Variants in ADAM28 observed in about 807,000 individuals in gnomAD.
ADAM28 encodes disintegrin and metalloproteinase domain-containing protein 28.
Under a neutral mutation model 101.2 loss-of-function variants are expected in ADAM28, and 105 were observed. The ratio of observed to expected loss-of-function variants is 1.04; its 90% CI spans 0.89 to 1.22. The LOEUF is 1.22. ADAM28 is among the 50% of genes most tolerant of loss of function. The pLI is 0.00. For synonymous variants in ADAM28, 322 were observed against 310.6 expected (o/e 1.04, Z -0.39); for missense variants, 1,028 against 945.4 (o/e 1.09, Z -1.15).
intron 2 of ADAM28, among the ~76,000 whole-genome samples, chr8:24,305,451 CTTTTTTTT>C (rs10654023): frequency 2.3e-4 from 15 of 65,446 alleles, no homozygotes; most frequent in South Asian, 6.0e-4. Context: ...TAAGAGGTTT[CTTTTTTTT>C]TTTTTTTTTT....
rs1477284005 is a variant in ADAM28, at chr8:24,358,168, A to T, written c.*3764A>T. On this transcript the variant is annotated 3_prime_UTR_variant, in exon 23 of 23. Transcript: ENST00000265769. ...ACTTTATTACTGCTTCCCACAGTAA[A>T]TATTTTTCAGAAGTACATGCTTTCT... 2 of 152,210 alleles carry T rather than the reference A, an allele frequency of 1.3e-5. No individual in the cohort carries two copies. Among genetic ancestry groups the T allele is most frequent in the Admixed American group, 6.5e-5 (1 of 15,274 alleles). The allele number at this position is 152,210 out of a possible 1,614,324, so 9.4% of individuals were successfully genotyped here.
chr8:24,320,189 T>C (rs745766428), intron 6 of ADAM28, 47 bp from the exon 7 acceptor site: 8 of 1,362,616 alleles, frequency 5.9e-6, no homozygotes, highest in South Asian at 1.2e-5. Context: ...AGAAGAACTT[T>C]TGCAGAAAAC....
At chr8:24,306,363 A>ATATATATAAAT (rs1563270503) in intron 2 of ADAM28, among the ~76,000 whole-genome samples, 1 of 108,502 alleles carries the variant, frequency 9.2e-6, no homozygotes, top group African/African-American at 3.8e-5. Flanking sequence ...TAAATAAATA[A>ATATATATAAAT]ATATATATAT....
intron 6 of ADAM28, among the ~76,000 whole-genome samples, chr8:24,317,307 C>T (rs1309315901): frequency 4.0e-5 from 6 of 151,814 alleles, no homozygotes; most frequent in Admixed American, 1.3e-4. Flanking sequence ...ATATAGTAAT[C>T]GAAAGAGTAT....
chr8:24,340,844 A>C (rs1401000039), intron 15 of ADAM28: 1 of 152,330 alleles, frequency 6.6e-6, no homozygotes, highest in Non-Finnish European at 1.5e-5. Context: ...CTTTTTTCAC[A>C]GCCCTCTTCC....
intron 1 of ADAM28, among the ~76,000 whole-genome samples, chr8:24,294,758 G>A (rs1292226475): frequency 2.0e-5 from 3 of 152,162 alleles, no homozygotes; most frequent in South Asian, 4.1e-4. Context: ...TCTCTGTTAA[G>A]CTTAAATTGA....
Position 24,320,247 on chromosome 8 carries a change from C to T in ADAM28, c.588C>T (p.Asp196=). 6.3e-7 allele frequency: 1 copy of T among 1,595,534 alleles called. No individual in the cohort carries two copies. The highest frequency in any genetic ancestry group is 8.6e-7 in the Non-Finnish European group (1 of 1,166,410). ...TCTTTATATTTCAGAAATTGAAAGA[C>T]AGGAAGGTTCAGGAACATGAGAAAT... ...LPATKLVKLK[D]RKVQEHEKYI... The change falls in exon 7 of 23, where the codon GAC becomes GAT. Residue 196 remains aspartate, a synonymous_variant. Transcript: ENST00000265769.
chr8:24,323,704 A>C, intron 8 of ADAM28, 130 bp from the exon 9 acceptor site: 1 of 938,430 alleles, frequency 1.1e-6, no homozygotes, highest in Non-Finnish European at 1.5e-6. Flanking sequence ...ATTCTGTTTC[A>C]CAAATATGCT....
intron 6 of ADAM28, 124 bp downstream of exon 6, chr8:24,313,704 C>T: frequency 2.2e-6 from 2 of 923,418 alleles, no homozygotes; most frequent in South Asian, 3.9e-5. Flanking sequence ...GACACTAATC[C>T]TTAAATATTG....
chr8:24,349,806 T>G (rs1356804140), intron 18 of ADAM28, 58 bp from the exon 19 acceptor site: 1 of 1,308,716 alleles, frequency 7.6e-7, no homozygotes, highest in East Asian at 2.3e-5. Flanking sequence ...CAAGGACTAG[T>G]GTGTTGTGCA....
At chr8:24,350,905 A>G (rs1663792794) in intron 19 of ADAM28, among the ~76,000 whole-genome samples, 1 of 150,958 alleles carries the variant, frequency 6.6e-6, no homozygotes, top group South Asian at 2.1e-4. Context: ...CTTTTAAAGA[A>G]AGACTTATTT....
At chr8:24,310,970 C>T (rs1255929659) in intron 4 of ADAM28, among the ~76,000 whole-genome samples, 1 of 152,162 alleles carries the variant, frequency 6.6e-6, no homozygotes, top group Non-Finnish European at 1.5e-5. Flanking sequence ...ATCTAAATAA[C>T]CTATCCTTTG....
At chr8:24,351,875 GTCAGC>G in intron 20 of ADAM28, 107 bp from the exon 21 acceptor site, 1 of 948,926 alleles carries the variant, frequency 1.1e-6, no homozygotes, top group African/African-American at 1.6e-5. Context: ...GTCTCTTGGT[GTCAGC>G]TTAGTTCCAA....
At chr8:24,351,597 C>A in intron 20 of ADAM28, 2 of 513,704 alleles carry the variant, frequency 3.9e-6, no homozygotes, top group South Asian at 2.0e-5. Context: ...CCCTCTCTCA[C>A]ACACACACAC....
intron 10 of ADAM28, among the ~76,000 whole-genome samples, chr8:24,328,483 A>G (rs1338700031): frequency 6.6e-6 from 1 of 152,042 alleles, no homozygotes; most frequent in Non-Finnish European, 1.5e-5. Context: ...ACATATTTTC[A>G]AACTTGAAAT....
At chr8:24,331,415 CATT>C (rs1813346135) in intron 12 of ADAM28, 88 bp downstream of exon 12, 1 of 1,317,764 alleles carries the variant, frequency 7.6e-7, no homozygotes, top group African/African-American at 1.5e-5. Context: ...CCCGCTATAA[CATT>C]ATAGGTTTTT....
intron 18 of ADAM28, among the ~76,000 whole-genome samples, chr8:24,347,707 C>T (rs896838508): frequency 6.6e-6 from 1 of 151,978 alleles, no homozygotes; most frequent in African/African-American, 2.4e-5. Flanking sequence ...TATATACATA[C>T]AAGTTTAGAG....
At chr8:24,343,313 C>T in intron 17 of ADAM28, 132 bp downstream of exon 17, 1 of 1,217,714 alleles carries the variant, frequency 8.2e-7, no homozygotes, top group Non-Finnish European at 1.2e-6. Context: ...CCTTCAGTAG[C>T]ATGGTTCAAG....
intron 1 of ADAM28, among the ~76,000 whole-genome samples, chr8:24,298,025 TTTATCACA>T (rs1808206016): frequency 6.6e-6 from 1 of 152,184 alleles, no homozygotes. Context: ...TGAGGCTTAT[TTTATCACA>T]TTGGATCAGA....
Sources: gnomAD v4.1 joint callset for allele counts (sites outside exome capture counted in the v4.1 genomes callset) on GRCh38, gnomAD v4.1.1 for gene constraint, MANE v1.5 for transcripts, NCBI Gene and HGNC (gene_info 2026-07-23, HGNC 2026-07-21) for gene names.